Variants in TBC1D7 observed in about 807,000 individuals in gnomAD.
The protein encoded by TBC1D7 is TBC domain family 7.
Under a neutral mutation model 35.3 loss-of-function variants are expected in TBC1D7, and 33 were observed. The ratio of observed to expected loss-of-function variants is 0.93; its 90% CI spans 0.71 to 1.25. TBC1D7 has a LOEUF of 1.25. TBC1D7 is among the 50% of genes most tolerant of loss of function. The pLI, the probability that TBC1D7 is intolerant of heterozygous loss-of-function variation, is 0.00. For missense variants in TBC1D7, 362 were observed against 365.3 expected (o/e 0.99, Z 0.07); for synonymous variants, 135 against 129.5 (o/e 1.04, Z -0.29).
At position 13,326,631 on chromosome 6, in the gene TBC1D7, G is replaced by C. The variant is rs1784422752; in HGVS notation, c.112+156C>G. ...CTGACGCTCAGTGAAATATAAATTT[G>C]AAAAATCTTTTCTCAAAATACACCA... On this transcript the variant is annotated intron_variant, in intron 2 of 7. Coordinates refer to ENST00000379300, the MANE Select transcript of TBC1D7 (RefSeq NM_016495.6). Among the ~76,000 whole-genome samples the C allele has an allele frequency of 2.6e-5, 4 of 152,052 alleles. No individual in the cohort carries two copies. In the South Asian group the frequency reaches 8.3e-4, roughly 32 times the overall value.
chr6:13,324,890 T>C (rs1784299608), intron 3 of TBC1D7, among the ~76,000 whole-genome samples: 1 of 152,230 alleles, frequency 6.6e-6, no homozygotes, highest in South Asian at 2.1e-4. Flanking sequence ...TCCCAGATCT[T>C]GTCTCAGGAA....
At chr6:13,326,668 C>A in intron 2 of TBC1D7, 119 bp downstream of exon 2, 1 of 568,474 alleles carries the variant, frequency 1.8e-6, no homozygotes, top group Non-Finnish European at 3.0e-6. Flanking sequence ...TCTGCTTCAC[C>A]ACATCACTAA....
chr6:13,307,514 T>A, intron 6 of TBC1D7, 86 bp downstream of exon 6: 1 of 1,420,122 alleles, frequency 7.0e-7, no homozygotes, highest in East Asian at 2.3e-5. Flanking sequence ...CTAAAGCAAA[T>A]TTATAATCTG....
chr6:13,317,434 G>C (rs1584552197), intron 4 of TBC1D7, among the ~76,000 whole-genome samples: 1 of 152,260 alleles, frequency 6.6e-6, no homozygotes, highest in South Asian at 2.1e-4. Flanking sequence ...ATAGCTGAAG[G>C]ATTTTAATGT....
At chr6:13,320,350 A>G (rs11759662) in intron 4 of TBC1D7, 2 of 181,306 alleles carry the variant, frequency 1.1e-5, no homozygotes, top group African/African-American at 4.8e-5. Context: ...AGTTTTGAGG[A>G]CTGTACTATG....
At chr6:13,311,471 ACTAAGCAGCAAC>A (rs1783206773) in intron 5 of TBC1D7, among the ~76,000 whole-genome samples, 1 of 152,238 alleles carries the variant, frequency 6.6e-6, no homozygotes, top group Non-Finnish European at 1.5e-5. Flanking sequence ...TTTCCATAGA[ACTAAGCAGCAAC>A]CTAAACTGTG....
At chr6:13,322,013 G>C (rs1198504301) in intron 3 of TBC1D7, among the ~76,000 whole-genome samples, 2 of 152,190 alleles carry the variant, frequency 1.3e-5, no homozygotes, top group Admixed American at 6.5e-5. Flanking sequence ...AAGGCAGGCA[G>C]ATCACTTGAG....
At position 13,306,393 on chromosome 6, in the gene TBC1D7, C is replaced by T; in HGVS notation, c.795+5G>A. On this transcript the variant is annotated splice_donor_5th_base_variant and intron_variant, in intron 7 of 7. Coordinates refer to ENST00000379300, the MANE Select transcript of TBC1D7 (RefSeq NM_016495.6). ...AGATTCAAAATCAAATCAAAGCACACTTACATTTTCCAGAAACTTTGTTAT... is the reference window on the plus strand; with the variant it reads ...AGATTCAAAATCAAATCAAAGCACATTTACATTTTCCAGAAACTTTGTTAT... 6.3e-7 allele frequency: 1 copy of T among 1,581,494 alleles called. No individual in the cohort carries two copies. The highest frequency in any genetic ancestry group is 8.5e-7 in the Non-Finnish European group (1 of 1,170,968).
intron 2 of TBC1D7, 47 bp from the exon 3 acceptor site, chr6:13,325,221 C>G: frequency 7.3e-7 from 1 of 1,365,262 alleles, no homozygotes; most frequent in Middle Eastern, 1.8e-4. Flanking sequence ...ATGCTGATCA[C>G]AGTATGTCAA....
chr6:13,310,214 A>G (rs1363672108), intron 5 of TBC1D7, among the ~76,000 whole-genome samples: 1 of 152,276 alleles, frequency 6.6e-6, no homozygotes, highest in African/African-American at 2.4e-5. Context: ...AGCTGCATGC[A>G]CAAGTCTATT....
intron 5 of TBC1D7, among the ~76,000 whole-genome samples, chr6:13,313,234 T>A (rs1311500385): frequency 6.6e-6 from 1 of 151,962 alleles, no homozygotes; most frequent in Non-Finnish European, 1.5e-5. Context: ...TACCAATAAC[T>A]CTTACAAAGA....
At chr6:13,324,357 T>C (rs1280482220) in intron 3 of TBC1D7, among the ~76,000 whole-genome samples, 1 of 152,206 alleles carries the variant, frequency 6.6e-6, no homozygotes, top group Non-Finnish European at 1.5e-5. Context: ...CTCAATCTCC[T>C]GACTGCGTGA....
intron 7 of TBC1D7, 93 bp from the exon 8 acceptor site, chr6:13,305,280 G>A (rs1782732555): frequency 3.3e-6 from 4 of 1,215,248 alleles, no homozygotes; most frequent in Admixed American, 1.8e-5. Flanking sequence ...CACTTCCATG[G>A]GAGTTTGCAC....
intron 3 of TBC1D7, among the ~76,000 whole-genome samples, chr6:13,322,288 A>C (rs901278641): frequency 1.2e-4 from 18 of 152,120 alleles, no homozygotes; most frequent in African/African-American, 3.1e-4. Flanking sequence ...ACAAAAAAAA[A>C]CATTTTATTT....
At chr6:13,306,555 T>G in intron 6 of TBC1D7, 28 bp from the exon 7 acceptor site, 3 of 1,537,344 alleles carry the variant, frequency 2.0e-6, no homozygotes, top group Non-Finnish European at 2.6e-6. Context: ...TATAATCAAA[T>G]TATATGAGTT....
Position 13,325,084 on chromosome 6 carries a change from G to T in TBC1D7, c.193+10C>A. Reference sequence around the variant, plus strand: ...TTTAAGATAAATCTTCCAACTCCTGGGTCTCATACCTAGAAGCACCTTCCA... The same window carrying T: ...TTTAAGATAAATCTTCCAACTCCTGTGTCTCATACCTAGAAGCACCTTCCA... On this transcript the variant is annotated intron_variant, in intron 3 of 7. Coordinates refer to ENST00000379300, the MANE Select transcript of TBC1D7 (RefSeq NM_016495.6). 1.3e-6 allele frequency: 2 copies of T among 1,590,002 alleles called. No individual in the cohort carries two copies. Among genetic ancestry groups the T allele is most frequent in the Non-Finnish European group, 1.7e-6 (2 of 1,165,140 alleles).
intron 5 of TBC1D7, 129 bp downstream of exon 5, chr6:13,316,442 A>T: frequency 2.0e-6 from 2 of 990,426 alleles, no homozygotes; most frequent in Non-Finnish European, 2.9e-6. Flanking sequence ...TTTACAGAAA[A>T]CGCTTGCTGA....
rs141091986 is a variant in TBC1D7 at position 13,322,106 on chromosome 6, T to G, written c.194-1011A>C. ...TCTACAAAAAATTAGCCAGGTCCAG[T>G]GGCACATGCCTGTAGTCCCAGCTAC... On this transcript the variant is annotated intron_variant, in intron 3 of 7. Coordinates refer to ENST00000379300, the MANE Select transcript of TBC1D7 (RefSeq NM_016495.6). 1.5e-3 allele frequency among the ~76,000 whole-genome samples: 223 copies of G among 152,098 alleles called. 1 individual carries two copies. The highest frequency in any genetic ancestry group is 5.1e-3 in the African/African-American group (210 of 41,482).
intron 5 of TBC1D7, among the ~76,000 whole-genome samples, chr6:13,311,790 A>G (rs191980037): frequency 4.1e-4 from 63 of 152,310 alleles, no homozygotes; most frequent in African/African-American, 1.1e-3. Context: ...TAGCCAAGAC[A>G]TTTTTGAAAA....
Sources: allele counts gnomAD v4.1 joint callset (sites outside exome capture counted in the v4.1 genomes callset), GRCh38; gene constraint gnomAD v4.1.1; transcripts MANE v1.5; gene names NCBI Gene and HGNC (gene_info 2026-07-23, HGNC 2026-07-21).